CRADD: variants seen among roughly 807,000 people sequenced by gnomAD.
CRADD encodes the protein death domain-containing protein CRADD.
In CRADD, 9 loss-of-function variants were observed where a neutral mutation model predicts 15.5. The ratio of observed to expected loss-of-function variants is 0.58; its 90% confidence interval spans 0.35 to 1.01. CRADD has a LOEUF of 1.01. CRADD is among the 50% of genes least tolerant of loss of function. The probability of loss-of-function intolerance (pLI) is 0.02; values close to 1 mark genes in which losing one functional copy is unlikely to be tolerated. For missense variants in CRADD, 227 were observed against 250.3 expected (o/e 0.91, Z 0.63); for synonymous variants, 118 against 107.6 (o/e 1.10, Z -0.60).
At chr12:93,754,378 C>T (rs1956864812) in intron 2 of CRADD, among the ~76,000 whole-genome samples, 3 of 152,350 alleles carry the variant, frequency 2.0e-5, no homozygotes, top group Admixed American at 6.5e-5. Context: ...ACATTTGGCT[C>T]CTTGTTACTT....
chr12:93,758,149 G>C (rs138431391), intron 2 of CRADD, among the ~76,000 whole-genome samples: 1 of 152,286 alleles, frequency 6.6e-6, no homozygotes, highest in East Asian at 1.9e-4. Flanking sequence ...ATCATGGTTG[G>C]ATTTGCTCCA....
chr12:93,756,876 C>G (rs1956896492), intron 2 of CRADD, among the ~76,000 whole-genome samples: 1 of 152,220 alleles, frequency 6.6e-6, no homozygotes, highest in South Asian at 2.1e-4. Flanking sequence ...TCTCATTCTC[C>G]TGGCACACCT....
At chr12:93,680,900 T>C (rs1167265307) in intron 2 of CRADD, among the ~76,000 whole-genome samples, 3 of 152,180 alleles carry the variant, frequency 2.0e-5, no homozygotes, top group Non-Finnish European at 4.4e-5. Flanking sequence ...TTTTTTTTTT[T>C]TGAGACGGAG....
At chr12:93,888,290 T>C (rs1958552217) in intron 2 of CRADD, among the ~76,000 whole-genome samples, 4 of 151,138 alleles carry the variant, frequency 2.6e-5, no homozygotes, top group Admixed American at 2.6e-4. Flanking sequence ...GCGGGCATGG[T>C]GGTGGGCGCT....
intron 2 of CRADD, among the ~76,000 whole-genome samples, chr12:93,728,309 A>G (rs1956404837): frequency 6.6e-6 from 1 of 152,260 alleles, no homozygotes; most frequent in Non-Finnish European, 1.5e-5. Flanking sequence ...TATAAAATAC[A>G]TAGGAATAAA....
rs544015708 is a variant in CRADD, at chr12:93,747,523, C to T, written c.298+68451C>T. On this transcript the variant is annotated intron_variant, in intron 2 of 2. Coordinates refer to ENST00000332896, the MANE Select transcript of CRADD (RefSeq NM_003805.5). The stretch of plus-strand genomic sequence containing the variant: ...TTGCCCAGGCTGGAGTGCAGTGGTG[C>T]GATCTCAGCTCACCACAACCTCCAC... Among the ~76,000 whole-genome samples the T allele has an allele frequency of 2.2e-3, 323 of 150,208 alleles. 3 individuals are homozygous for T. Among genetic ancestry groups the T allele is most frequent in the African/African-American group, 7.2e-3 (295 of 40,730 alleles).
chr12:93,721,861 CA>C (rs1172323177), intron 2 of CRADD, among the ~76,000 whole-genome samples: 1 of 152,120 alleles, frequency 6.6e-6, no homozygotes, highest in African/African-American at 2.4e-5. Context: ...TTATTTTGAA[CA>C]AACTTTGATC....
chr12:93,791,628 A>G lies in CRADD; in HGVS notation c.299-58342A>G, dbSNP rs79065440. 8.8e-3 allele frequency among the ~76,000 whole-genome samples: 1,341 copies of G among 152,230 alleles called. 17 individuals carry two copies. The highest frequency in any genetic ancestry group is 0.03 in the African/African-American group (1,244 of 41,542). On this transcript the variant is annotated intron_variant, in intron 2 of 2. Transcript: ENST00000332896. ...GTACAGCATGGCAACTGTAGTAGTT[A>G]ATAATAATGTTTACTTCAAAATTGC...
intron 2 of CRADD, chr12:93,826,771 C>T (rs1301672094): frequency 1.3e-5 from 2 of 152,206 alleles, no homozygotes; most frequent in African/African-American, 4.8e-5. Flanking sequence ...ACACAGCAAA[C>T]ATCGCTGAAC....
chr12:93,872,536 A>G (rs1013403998), intron 2 of CRADD, among the ~76,000 whole-genome samples: 1 of 152,106 alleles, frequency 6.6e-6, no homozygotes, highest in Non-Finnish European at 1.5e-5. Flanking sequence ...AACATAGTTC[A>G]AGGTCTTAGA....
At chr12:93,868,475 A>G (rs776084899) in intron 2 of CRADD, among the ~76,000 whole-genome samples, 1 of 152,230 alleles carries the variant, frequency 6.6e-6, no homozygotes, top group Non-Finnish European at 1.5e-5. Context: ...CAAAAGACAT[A>G]AAGTCAGTTA....
intron 2 of CRADD, among the ~76,000 whole-genome samples, chr12:93,718,195 A>G (rs191365204): frequency 6.6e-6 from 1 of 152,342 alleles, no homozygotes; most frequent in Non-Finnish European, 1.5e-5. Flanking sequence ...TCAGTTTGCC[A>G]GTATCCACAA....
intron 2 of CRADD, among the ~76,000 whole-genome samples, chr12:93,680,111 T>C (rs1010072235): frequency 3.3e-5 from 5 of 152,076 alleles, no homozygotes; most frequent in Non-Finnish European, 7.4e-5. Flanking sequence ...AGATGTGATA[T>C]GGAAACACTT....
chr12:93,784,023 G>T (rs1241184689), intron 2 of CRADD, among the ~76,000 whole-genome samples: 1 of 152,116 alleles, frequency 6.6e-6, no homozygotes, highest in African/African-American at 2.4e-5. Context: ...TTGCTGCAGG[G>T]TGCACGGGGT....
At chr12:93,709,098 G>C (rs986600905) in intron 2 of CRADD, 6 of 152,254 alleles carry the variant, frequency 3.9e-5, no homozygotes, top group African/African-American at 1.4e-4. Context: ...AAGGCAGAGT[G>C]AAAGAGAAGC....
At chr12:93,798,248 T>C (rs188055332) in intron 2 of CRADD, among the ~76,000 whole-genome samples, 86 of 152,316 alleles carry the variant, frequency 5.6e-4, no homozygotes, top group African/African-American at 2.0e-3. Context: ...TGTCTGTATT[T>C]TGTGAATCCC....
intron 2 of CRADD, among the ~76,000 whole-genome samples, chr12:93,801,726 TG>T (rs1352306843): frequency 7.9e-5 from 12 of 152,152 alleles, no homozygotes; most frequent in Non-Finnish European, 1.6e-4. Flanking sequence ...TAAATAGTTT[TG>T]GGGGTACAGG....
chr12:93,872,843 T>C (rs941632084), intron 2 of CRADD, among the ~76,000 whole-genome samples: 10 of 152,178 alleles, frequency 6.6e-5, no homozygotes, highest in African/African-American at 2.4e-4. Flanking sequence ...GATGATGTGA[T>C]TCCTCCAGTT....
rs116565373 is a variant in CRADD at position 93,753,725 on chromosome 12, T to C, written c.298+74653T>C. Among the ~76,000 whole-genome samples the C allele has an allele frequency of 2.3e-3, 351 of 152,358 alleles. 4 individuals carry two copies. The highest frequency in any genetic ancestry group is 8.0e-3 in the African/African-American group (332 of 41,586). Reference sequence around the variant, plus strand: ...TCCATGTCTCACATCCAGGTCCTGCTGGATGTAAGAGGTGGTCTCCCACAA... The same window carrying C: ...TCCATGTCTCACATCCAGGTCCTGCCGGATGTAAGAGGTGGTCTCCCACAA... On this transcript the variant is annotated intron_variant, in intron 2 of 2. Transcript: ENST00000332896.
Sources: gnomAD v4.1 joint callset for allele counts (sites outside exome capture counted in the v4.1 genomes callset) on GRCh38, gnomAD v4.1.1 for gene constraint, MANE v1.5 for transcripts, NCBI Gene and HGNC (gene_info 2026-07-23, HGNC 2026-07-21) for gene names.